ZC3H13: variants seen among roughly 807,000 people sequenced by gnomAD.
ZC3H13 encodes the protein zinc finger CCCH domain-containing protein 13.
Under a neutral mutation model 204.1 loss-of-function variants are expected in ZC3H13, and 64 were observed. That is an observed-to-expected ratio of 0.31 (90% confidence interval 0.26 to 0.39). The LOEUF (loss-of-function observed/expected upper bound fraction) is 0.39, where lower values mean the gene tolerates loss of function less well. Among genes scored for constraint, ZC3H13 ranks in the 10% least tolerant of loss-of-function variants. The pLI is 1.00. For missense variants in ZC3H13, 1,833 were observed against 2,082.7 expected (o/e 0.88, Z 2.33); for synonymous variants, 667 against 693.7 (o/e 0.96, Z 0.60).
intron 10 of ZC3H13, among the ~76,000 whole-genome samples, chr13:45,983,621 G>T (rs1953903611): frequency 6.7e-6 from 1 of 149,720 alleles, no homozygotes; most frequent in Non-Finnish European, 1.5e-5. Flanking sequence ...TAGAGACGGG[G>T]TTTCACTGTG....
In ZC3H13 at chr13:46,046,455, G is replaced by A. The variant is rs574917142; in HGVS notation, c.-9-939C>T. On this transcript the variant is annotated intron_variant, in intron 1 of 18. Coordinates refer to ENST00000679008, the MANE Select transcript of ZC3H13 (RefSeq NM_001330564.2). ...GGGCGGATCATGAGGTCAGGAGATC[G>A]AGACCATCCTGGCTAACATGGCAAA... 7.1e-3 allele frequency among the ~76,000 whole-genome samples: 1,035 copies of A among 144,960 alleles called. 5 individuals carry two copies. The highest frequency in any genetic ancestry group is 0.011 in the Non-Finnish European group (739 of 67,084).
intron 7 of ZC3H13, among the ~76,000 whole-genome samples, chr13:46,006,947 T>A (rs912571262): frequency 6.6e-6 from 1 of 151,834 alleles, no homozygotes; most frequent in Non-Finnish European, 1.5e-5. Flanking sequence ...CATTGCATAT[T>A]CATGAGATGA....
In ZC3H13 at chr13:45,985,673, A is replaced by T. The variant is rs368245456; in HGVS notation, c.1344T>A (p.Asp448Glu). The T allele has an allele frequency of 7.1e-5, 114 of 1,612,048 alleles. 1 individual carries two copies. The highest frequency in any genetic ancestry group is 1.6e-4 in the Middle Eastern group (1 of 6,084). The change falls in exon 10 of 19, where the codon GAT (aspartate) becomes GAA (glutamate). Residue 448 changes from aspartate (D) to glutamate (E), a missense_variant. Transcript: ENST00000679008. ...CCCGACCATCTCGAGGTTCTCTGTC[A>T]TCTCTGTGGTCTCTAGAAGAGCTCT... is the stretch of plus-strand genomic sequence containing the variant. ...QDQSSSRDHR[D>E]DREPRDGRDR... is the part of the protein sequence containing the mutation.
At chr13:45,964,519 A>G (rs1357963206) in intron 16 of ZC3H13, among the ~76,000 whole-genome samples, 1 of 152,228 alleles carries the variant, frequency 6.6e-6, no homozygotes, top group Non-Finnish European at 1.5e-5. Flanking sequence ...TAATCCATCC[A>G]CTGCGAAGGA....
rs987298404 is a variant in ZC3H13, at chr13:45,956,984, G to C, written c.*143C>G. On this transcript the variant is annotated 3_prime_UTR_variant, in exon 19 of 19. Coordinates refer to ENST00000679008, the MANE Select transcript of ZC3H13 (RefSeq NM_001330564.2). ...GTTGGCCAAAACTAGTGTCTCTAAAGATCAAAATTCTTCACTCTTTTAGCA... is the reference window on the plus strand; with the variant it reads ...GTTGGCCAAAACTAGTGTCTCTAAACATCAAAATTCTTCACTCTTTTAGCA... 9 of 766,164 alleles carry C rather than the reference G, an allele frequency of 1.2e-5. No homozygotes were observed. The highest frequency in any genetic ancestry group is 1.6e-5 in the Non-Finnish European group (9 of 554,744). The allele number at this position is 766,164 out of a possible 1,614,324, so 47.5% of individuals were successfully genotyped here. A position where few individuals can be genotyped will look rare whatever the true frequency, so the allele number is the denominator to read the frequency against.
chr13:45,970,219 T>C, intron 13 of ZC3H13, 143 bp downstream of exon 13: 1 of 926,788 alleles, frequency 1.1e-6, no homozygotes, highest in Non-Finnish European at 1.6e-6. Flanking sequence ...CATACTTTAG[T>C]CACAAAAGGA....
At chr13:46,016,522 C>T (rs1467743495) in intron 5 of ZC3H13, among the ~76,000 whole-genome samples, 1 of 152,038 alleles carries the variant, frequency 6.6e-6, no homozygotes, top group African/African-American at 2.4e-5. Flanking sequence ...AGCTCAAACA[C>T]ACAAAACTAA....
At chr13:45,988,261 A>G (rs1298392635) in intron 9 of ZC3H13, among the ~76,000 whole-genome samples, 1 of 151,876 alleles carries the variant, frequency 6.6e-6, no homozygotes, top group Non-Finnish European at 1.5e-5. Flanking sequence ...TATTATTATT[A>G]TTGTTATTAT....
chr13:46,005,992 G>A (rs997507074), intron 7 of ZC3H13, among the ~76,000 whole-genome samples: 1 of 151,912 alleles, frequency 6.6e-6, no homozygotes, highest in African/African-American at 2.4e-5. Flanking sequence ...CTACTCAGGA[G>A]GCTGAGGCAG....
At chr13:46,000,192 CGA>C (rs773886914) in intron 8 of ZC3H13, among the ~76,000 whole-genome samples, 1 of 152,164 alleles carries the variant, frequency 6.6e-6, no homozygotes, top group African/African-American at 2.4e-5. Context: ...TGGCCCCTAA[CGA>C]GAGAGTCAGC....
At chr13:46,044,737 A>G (rs1223467440) in intron 3 of ZC3H13, among the ~76,000 whole-genome samples, 1 of 152,198 alleles carries the variant, frequency 6.6e-6, no homozygotes, top group Non-Finnish European at 1.5e-5. Context: ...CTACTGTCAA[A>G]ACAAATAAAT....
intron 12 of ZC3H13, among the ~76,000 whole-genome samples, chr13:45,971,707 CAA>C (rs1271347030): frequency 2.0e-5 from 3 of 151,742 alleles, no homozygotes; most frequent in Non-Finnish European, 4.4e-5. Context: ...AAATAAATAA[CAA>C]AGACAACCCA....
chr13:46,030,761 C>T (rs1291952237), intron 4 of ZC3H13, among the ~76,000 whole-genome samples: 1 of 152,066 alleles, frequency 6.6e-6, no homozygotes, highest in African/African-American at 2.4e-5. Context: ...ATGCATAAGA[C>T]ATGCATGAGG....
At position 45,967,681 on chromosome 13, in the gene ZC3H13, A is replaced by G; in HGVS notation, c.4144T>C (p.Ser1382Pro). ...CAGCGTTTCACAGACTCTATTTGAG[A>G]ACTCTCAAAAGTTCTGTCTCTGTCT... is the stretch of plus-strand genomic sequence containing the variant. ...DRDRDRTFESSQIESVKRCEA... is the reference protein window; with the variant it reads ...DRDRDRTFESPQIESVKRCEA... The change falls in exon 15 of 19, where the codon TCT (serine) becomes CCT (proline). Residue 1382 changes from serine to proline, a missense_variant. By Grantham distance (74) the Ser-to-Pro change is moderately conservative. Transcript: ENST00000679008. 6.2e-7 allele frequency: 1 copy of G among 1,613,998 alleles called. No individual in the cohort carries two copies. The highest frequency in any genetic ancestry group is 8.5e-7 in the Non-Finnish European group (1 of 1,179,958).
At position 45,969,667 on chromosome 13, in the gene ZC3H13, TTTC is replaced by T; in HGVS notation, c.2874_2876del (p.Lys959del). ...TAATTGGTTTCTTTTGAATTTTTGC[TTTC>T]TTCTTGTTTTCATCATGAGCTCGAT... On this transcript the variant is annotated inframe_deletion, in exon 14 of 19. Transcript: ENST00000679008. 6.2e-7 allele frequency: 1 copy of T among 1,608,796 alleles called. No individual in the cohort carries two copies. The highest frequency in any genetic ancestry group is 8.5e-7 in the Non-Finnish European group (1 of 1,178,930).
In ZC3H13 at chr13:45,957,100, C is replaced by T. The variant is rs775668638; in HGVS notation, c.*27G>A. On this transcript the variant is annotated 3_prime_UTR_variant, in exon 19 of 19. Coordinates refer to ENST00000679008, the MANE Select transcript of ZC3H13 (RefSeq NM_001330564.2). ...TATGCACTGCTGAAGGAAGACAGTA[C>T]CAAAAATACCATATTGAACTTCGGT... is the stretch of plus-strand genomic sequence containing the variant. 1.4e-6 allele frequency: 2 copies of T among 1,426,894 alleles called. No individual in the cohort carries two copies. Among genetic ancestry groups the T allele is most frequent in the African/African-American group, 1.4e-5 (1 of 69,524 alleles). 88.4% of individuals were successfully genotyped at this position (1,426,894 alleles called of 1,614,324 possible).
chr13:45,964,534 T>C (rs773750912), intron 16 of ZC3H13, among the ~76,000 whole-genome samples: 2 of 152,346 alleles, frequency 1.3e-5, no homozygotes, highest in South Asian at 2.1e-4. Flanking sequence ...GAAGGAACAG[T>C]TGAAGAAATA....
intron 17 of ZC3H13, chr13:45,962,543 C>T (rs1197988983): frequency 6.1e-6 from 6 of 984,740 alleles, no homozygotes; most frequent in Non-Finnish European, 6.0e-6. Flanking sequence ...TACAGTAGGG[C>T]AAGAACTAAG....
chr13:46,005,759 T>C lies in ZC3H13; in HGVS notation c.747-2423A>G, dbSNP rs372761067. 9.9e-5 allele frequency among the ~76,000 whole-genome samples: 15 copies of C among 152,276 alleles called. No homozygotes were observed. In the East Asian group the frequency reaches 2.9e-3, roughly 29 times the overall value. On this transcript the variant is annotated intron_variant, in intron 7 of 18. Transcript: ENST00000679008. ...CCACCTCAGACCACTGCATCTGTCC[T>C]ATTCTATGATTTTCCATTTGAACTC...
Sources: gnomAD v4.1 joint callset for allele counts (sites outside exome capture counted in the v4.1 genomes callset) on GRCh38, gnomAD v4.1.1 for gene constraint, MANE v1.5 for transcripts, NCBI Gene and HGNC (gene_info 2026-07-23, HGNC 2026-07-21) for gene names.